Variants in KIF27 observed in about 807,000 individuals in gnomAD.
KIF27 encodes the protein kinesin family member 27.
A neutral mutation model predicts 141.8 loss-of-function variants in KIF27; 84 were observed. The ratio of observed to expected loss-of-function variants is 0.59; its 90% CI spans 0.50 to 0.71. The LOEUF (loss-of-function observed/expected upper bound fraction) is 0.71. KIF27 is among the 30% of genes least tolerant of loss of function. The pLI is 0.00. For synonymous variants in KIF27, 471 were observed against 569.5 expected, an observed-to-expected ratio of 0.83 and a Z score of 2.46; for missense variants, 1,306 against 1,628.4, an observed-to-expected ratio of 0.80 and a Z score of 3.41.
intron 9 of KIF27, among the ~76,000 whole-genome samples, chr9:83,885,179 G>A (rs566905447): frequency 4.6e-5 from 7 of 152,098 alleles, no homozygotes; most frequent in African/African-American, 1.2e-4. Flanking sequence ...TGCCACCTCC[G>A]CCTCCTGGGT....
intron 4 of KIF27, among the ~76,000 whole-genome samples, chr9:83,901,133 A>AT (rs1279092664): frequency 6.6e-6 from 1 of 151,930 alleles, no homozygotes; most frequent in African/African-American, 2.4e-5. Context: ...TAGTTTTTTG[A>AT]TTTTTTGTAG....
intron 13 of KIF27, among the ~76,000 whole-genome samples, chr9:83,865,508 G>T (rs938103244): frequency 2.4e-4 from 37 of 152,248 alleles, no homozygotes; most frequent in African/African-American, 7.7e-4. Context: ...TGTTGGTCAG[G>T]CTGGTGTCGA....
chr9:83,845,104 G>C (rs1250729712), intron 16 of KIF27, among the ~76,000 whole-genome samples: 2 of 152,170 alleles, frequency 1.3e-5, no homozygotes, highest in Non-Finnish European at 2.9e-5. Flanking sequence ...GGCAGATAGG[G>C]ATGCTGTTTG....
intron 5 of KIF27, among the ~76,000 whole-genome samples, chr9:83,895,283 A>G (rs1335098117): frequency 2.0e-5 from 3 of 151,358 alleles, no homozygotes; most frequent in African/African-American, 7.3e-5. Flanking sequence ...AAAAAAAATC[A>G]GGTCAATCAG....
chr9:83,891,544 A>C, intron 5 of KIF27, 43 bp from the exon 6 acceptor site: 20 of 1,509,198 alleles, frequency 1.3e-5, no homozygotes, highest in Non-Finnish European at 1.6e-5. Flanking sequence ...AGAGCACTTC[A>C]GTACATTTAG....
chr9:83,855,006 C>A (rs1949031601), intron 14 of KIF27: 1 of 152,142 alleles, frequency 6.6e-6, no homozygotes, highest in Non-Finnish European at 1.5e-5. Flanking sequence ...CTTCCCCTAA[C>A]ATCCCAAAGG....
Position 83,834,762 on chromosome 9 carries a change from C to A in KIF27, c.*2239G>T, listed in dbSNP as rs934823234. Among the ~76,000 whole-genome samples, 1 of 150,352 alleles carries A rather than the reference C, an allele frequency of 6.7e-6. No individual in the cohort carries two copies. The highest frequency in any genetic ancestry group is 2.1e-4 in the South Asian group (1 of 4,770). Reference sequence around the variant, plus strand: ...TGCTGTGCTTGCTAAGGGCACTGACCTTTGGCCATTATATATATCTATATC... The same window carrying A: ...TGCTGTGCTTGCTAAGGGCACTGACATTTGGCCATTATATATATCTATATC... On this transcript the variant is annotated 3_prime_UTR_variant, in exon 18 of 18. Transcript: ENST00000297814.
chr9:83,906,719 G>T lies in KIF27; in HGVS notation c.499+1733C>A, dbSNP rs1481564961. On this transcript the variant is annotated intron_variant, in intron 3 of 17. Coordinates refer to ENST00000297814, the MANE Select transcript of KIF27 (RefSeq NM_017576.4). ...GATTATGCCACTGCACTCCAGCCTGGCTGACAGAGGTAAGACCCTGTCTCC... is the reference window on the plus strand; with the variant it reads ...GATTATGCCACTGCACTCCAGCCTGTCTGACAGAGGTAAGACCCTGTCTCC... Among the ~76,000 whole-genome samples the T allele has an allele frequency of 2.1e-5, 3 of 145,008 alleles. No homozygotes were observed. In the Admixed American group the frequency reaches 2.1e-4, roughly 10 times the overall value.
intron 15 of KIF27, among the ~76,000 whole-genome samples, chr9:83,853,354 T>G (rs1037274707): frequency 1.3e-5 from 2 of 152,070 alleles, no homozygotes; most frequent in African/African-American, 2.4e-5. Flanking sequence ...GGAATATAAC[T>G]TAAATTCTTT....
rs538049404 is a variant in KIF27, at chr9:83,880,366, T to A, written c.2574A>T (p.Lys858Asn). ...MKYQKIQLQR[K>N]LREENEKRKQ... ...TCCTTTTTTCATTTTCTTCTCGTAG[T>A]TTTCTTTGTAGCTGTATCTTTTGAT... Residue 858 changes from lysine (K) to asparagine (N), a missense_variant, in exon 11 of 18, where the codon AAA (lysine) becomes AAT (asparagine). By Grantham distance (94) the Lys-to-Asn change is moderately conservative. Around this residue, in one of 4 missense-constraint regions of KIF27, gnomAD observed 596 missense variants for 751.6 expected, o/e 0.79. Transcript: ENST00000297814. 1 of 1,613,770 alleles carries A rather than the reference T, an allele frequency of 6.2e-7. No homozygotes were observed. The highest frequency in any genetic ancestry group is 1.7e-5 in the Admixed American group (1 of 60,020).
At chr9:83,895,333 T>C (rs207470329) in intron 5 of KIF27, among the ~76,000 whole-genome samples, 1 of 151,374 alleles carries the variant, frequency 6.6e-6, no homozygotes, top group Non-Finnish European at 1.5e-5. Context: ...AGAAAAATCA[T>C]ATGATAAAGA....
chr9:83,859,505 G>A lies in KIF27; in HGVS notation c.2935-134C>T, dbSNP rs1010062897. 3.7e-5 allele frequency: 24 copies of A among 646,256 alleles called. No individual in the cohort carries two copies. In the East Asian group the frequency reaches 5.5e-4, roughly 15 times the overall value. The allele number at this position is 646,256 out of a possible 1,614,324, so 40.0% of individuals were successfully genotyped here. On this transcript the variant is annotated intron_variant, in intron 13 of 17. Transcript: ENST00000297814. ...TTTTATATTATTGTTTTCTCCCATG[G>A]ATTTTTTTGAGGGAGGGGGTATTCA...
chr9:83,845,884 G>A (rs993479686), intron 16 of KIF27, among the ~76,000 whole-genome samples: 3 of 152,194 alleles, frequency 2.0e-5, no homozygotes, highest in Non-Finnish European at 2.9e-5. Flanking sequence ...AAACTGTGAA[G>A]ATATTTGTAT....
intron 17 of KIF27, among the ~76,000 whole-genome samples, chr9:83,840,914 T>C (rs1946481260): frequency 6.6e-6 from 1 of 152,182 alleles, no homozygotes; most frequent in African/African-American, 2.4e-5. Flanking sequence ...GACTGTGTTA[T>C]AGTTACTGTT....
rs1273439019 is a variant in KIF27 at position 83,848,331 on chromosome 9, C to A, written c.3556+1768G>T. Among the ~76,000 whole-genome samples, 35 of 87,874 alleles carry A rather than the reference C, an allele frequency of 4.0e-4. 4 individuals are homozygous for A. Among genetic ancestry groups the A allele is most frequent in the Admixed American group, 6.5e-4 (6 of 9,266 alleles). 57.6% of individuals were successfully genotyped at this position (87,874 alleles called of 152,430 possible). On this transcript the variant is annotated intron_variant, in intron 16 of 17. Transcript: ENST00000297814. ...TATGATATATCATATATCTATATAT[C>A]TATATATATCTATGTATCTATATAT... is the stretch of plus-strand genomic sequence containing the variant.
chr9:83,872,193 G>A (rs561429840), intron 11 of KIF27, among the ~76,000 whole-genome samples: 262 of 152,124 alleles, frequency 1.7e-3, no homozygotes, highest in Non-Finnish European at 3.1e-3. Context: ...GCGTGTGCCT[G>A]TATTCCCAGC....
intron 11 of KIF27, among the ~76,000 whole-genome samples, chr9:83,878,161 C>CAAAAAAAAAA (rs58897060): frequency 2.6e-5 from 1 of 38,456 alleles, no homozygotes; most frequent in African/African-American, 8.2e-5. Flanking sequence ...GACTCTGTCT[C>CAAAAAAAAAA]AAAAAAAAAA....
chr9:83,884,835 A>ACT (rs1312342269), intron 9 of KIF27, among the ~76,000 whole-genome samples: 1 of 151,960 alleles, frequency 6.6e-6, no homozygotes, highest in East Asian at 1.9e-4. Context: ...TCCAAAGCTA[A>ACT]CTCTCTCCTT....
chr9:83,910,697 T>C (rs538950022), intron 2 of KIF27, among the ~76,000 whole-genome samples: 1 of 152,270 alleles, frequency 6.6e-6, no homozygotes, highest in Admixed American at 6.5e-5. Flanking sequence ...ACACCTCTTC[T>C]CCTCCAGCAC....
Sources: allele counts gnomAD v4.1 joint callset (sites outside exome capture counted in the v4.1 genomes callset), GRCh38; gene constraint gnomAD v4.1.1; regional missense constraint gnomAD v4.1.1; transcripts MANE v1.5; gene names NCBI Gene and HGNC (gene_info 2026-07-23, HGNC 2026-07-21).